Variants in ZDHHC8 observed in about 807,000 individuals in gnomAD.
ZDHHC8 encodes the protein palmitoyltransferase ZDHHC8.
In ZDHHC8, 24 loss-of-function variants were observed where a neutral mutation model predicts 61.2. That is an observed-to-expected ratio of 0.39 (90% CI 0.28 to 0.55). The LOEUF (loss-of-function observed/expected upper bound fraction) is 0.55, where lower values mean the gene tolerates loss of function less well. ZDHHC8 is among the 20% of genes least tolerant of loss of function. The probability of loss-of-function intolerance (pLI) is 0.60; values close to 1 mark genes in which losing one functional copy is unlikely to be tolerated. For synonymous variants in ZDHHC8, 523 were observed against 492.5 expected (o/e 1.06, Z -0.82); for missense variants, 935 against 1,102.1 (o/e 0.85, Z 2.15).
intron 1 of ZDHHC8, among the ~76,000 whole-genome samples, chr22:20,134,574 G>A (rs903261457): frequency 6.6e-6 from 1 of 152,234 alleles, no homozygotes; most frequent in Non-Finnish European, 1.5e-5. Context: ...GCCTATACAG[G>A]GTTCCCGACT....
intron 1 of ZDHHC8, among the ~76,000 whole-genome samples, chr22:20,137,218 G>T (rs989165582): frequency 6.6e-6 from 1 of 152,226 alleles, no homozygotes; most frequent in Non-Finnish European, 1.5e-5. Context: ...CGGCTGCAAG[G>T]CTGCTGTCCA....
chr22:20,132,008 G>A lies in ZDHHC8; in HGVS notation c.61G>A (p.Ala21Thr). 1 of 1,388,528 alleles carries A rather than the reference G, an allele frequency of 7.2e-7. No homozygotes were observed. The allele number at this position is 1,388,528 out of a possible 1,614,324, so 86.0% of individuals were successfully genotyped here. A position where few individuals can be genotyped will look rare whatever the true frequency, so the allele number is the denominator to read the frequency against. ...PAKYIPVATA[A>T]ALLVGSSTLF... ...CAAGTACATCCCGGTGGCCACGGCCGCCGCGCTGCTGGTCGGCTCCAGCAC... is the reference window on the plus strand; with the variant it reads ...CAAGTACATCCCGGTGGCCACGGCCACCGCGCTGCTGGTCGGCTCCAGCAC... The change falls in exon 1 of 11, where the codon GCC (alanine) becomes ACC (threonine). Residue 21 changes from alanine (A) to threonine (T), a missense_variant. Physicochemically the swap from Ala to Thr is moderately conservative, Grantham distance 58. This residue lies in a region of ZDHHC8 where 44 missense variants were observed against 36.6 expected (regional missense o/e 1.20). Transcript: ENST00000334554.
chr22:20,146,769 G>C lies in ZDHHC8; in HGVS notation c.*1369G>C, dbSNP rs548347419. ...GGGACTCTCAGGAACCCGAGAGCTT[G>C]GGGAGATGAAATGGGGGTGCATAGG... is the stretch of plus-strand genomic sequence containing the variant. On this transcript the variant is annotated 3_prime_UTR_variant, in exon 11 of 11. Transcript: ENST00000334554. 3.1e-5 allele frequency: 38 copies of C among 1,223,096 alleles called. No individual in the cohort carries two copies. The African/African-American group carries it at 5.6e-4, about 18-fold the overall frequency. The allele number at this position is 1,223,096 out of a possible 1,614,324, so 75.8% of individuals were successfully genotyped here.
intron 1 of ZDHHC8, among the ~76,000 whole-genome samples, chr22:20,132,659 CAT>C (rs2050387292): frequency 6.6e-6 from 1 of 152,230 alleles, no homozygotes; most frequent in African/African-American, 2.4e-5. Flanking sequence ...GATGTTAGCA[CAT>C]CACCTCCGTG....
In ZDHHC8 at chr22:20,143,667, T is replaced by G. The variant is rs1568995990; in HGVS notation, c.2037T>G (p.Thr679=). 1 of 1,609,320 alleles carries G rather than the reference T, an allele frequency of 6.2e-7. No homozygotes were observed. The highest frequency in any genetic ancestry group is 8.5e-7 in the Non-Finnish European group (1 of 1,179,342). Residue 679 remains threonine (T), a synonymous_variant, in exon 10 of 11, where the codon ACT becomes ACG. Transcript: ENST00000334554. ...ARQGLPSPPG[T]PHSPSYAGPK... ...AGGGCCTGCCCTCCCCGCCCGGCACTCCCCACTCACCATCCTACGCGGGCC... is the reference window on the plus strand; with the variant it reads ...AGGGCCTGCCCTCCCCGCCCGGCACGCCCCACTCACCATCCTACGCGGGCC...
intron 1 of ZDHHC8, among the ~76,000 whole-genome samples, chr22:20,137,381 G>A (rs1474108152): frequency 6.6e-6 from 1 of 152,242 alleles, no homozygotes; most frequent in Non-Finnish European, 1.5e-5. Flanking sequence ...CAGGAGGCAG[G>A]CTGGCAGCCA....
At position 20,132,001 on chromosome 22, in the gene ZDHHC8, C is replaced by A; in HGVS notation, c.54C>A (p.Ala18=). Residue 18 remains alanine, a synonymous_variant, in exon 1 of 11, where the codon GCC becomes GCA. Coordinates refer to ENST00000334554, the MANE Select transcript of ZDHHC8 (RefSeq NM_013373.4). ...AACCCGCCAAGTACATCCCGGTGGC[C>A]ACGGCCGCCGCGCTGCTGGTCGGCT... is the stretch of plus-strand genomic sequence containing the variant. The part of the protein sequence containing the change: ...RLKPAKYIPV[A]TAAALLVGSS... 7.2e-7 allele frequency: 1 copy of A among 1,386,708 alleles called. No individual in the cohort carries two copies. Among genetic ancestry groups the A allele is most frequent in the Admixed American group, 2.1e-5 (1 of 46,596 alleles). 85.9% of individuals were successfully genotyped at this position (1,386,708 alleles called of 1,614,324 possible).
intron 1 of ZDHHC8, among the ~76,000 whole-genome samples, chr22:20,134,826 C>T (rs2050406755): frequency 6.6e-6 from 1 of 152,170 alleles, no homozygotes; most frequent in Admixed American, 6.5e-5. Context: ...AGGGTCTGGG[C>T]ATGGAAGGAT....
Position 20,140,688 on chromosome 22 carries a change from G to C in ZDHHC8, c.732G>C (p.Leu244=). The change falls in exon 6 of 11, where the codon CTG becomes CTC. Residue 244 remains leucine (L), a synonymous_variant. Transcript: ENST00000334554. ...RGCCGNVEHV[L]CSPLAPRYVV... is the part of the protein sequence containing the mutation. ...GCTGTGGGAATGTGGAGCACGTGCT[G>C]TGTAGCCCCCTGGCGCCCCGGTGAG... is the stretch of plus-strand genomic sequence containing the variant. 3 of 1,611,764 alleles carry C rather than the reference G, an allele frequency of 1.9e-6. No homozygotes were observed. The highest frequency in any genetic ancestry group is 2.5e-6 in the Non-Finnish European group (3 of 1,179,584).
chr22:20,132,161 G>A, intron 1 of ZDHHC8, 110 bp downstream of exon 1: 2 of 585,532 alleles, frequency 3.4e-6, no homozygotes, highest in African/African-American at 2.0e-5. Flanking sequence ...GGCAGTGGGC[G>A]GGCGGGGCGC....
chr22:20,135,706 T>C (rs1004504624), intron 1 of ZDHHC8, among the ~76,000 whole-genome samples: 2 of 152,214 alleles, frequency 1.3e-5, no homozygotes, highest in African/African-American at 4.8e-5. Flanking sequence ...CCACCGCATG[T>C]GGCCTGGGGT....
chr22:20,143,067 T>G lies in ZDHHC8; in HGVS notation c.1437T>G (p.Tyr479Ter). The part of the protein sequence containing the change: ...ALPNRNGSLS[Y>*]DSLLNPGSPG... ...CCAACCGCAACGGCAGCCTGTCCTA[T>G]GACAGCCTGCTCAATCCTGGCTCGC... Residue 479 changes from tyrosine (Y) to a stop codon, truncating the protein, a stop_gained, in exon 10 of 11, where the codon TAT (tyrosine) becomes TAG (stop). Transcript: ENST00000334554. LOFTEE classifies it high-confidence loss of function. The G allele has an allele frequency of 6.2e-7, 1 of 1,612,476 alleles. No homozygotes were observed. Among genetic ancestry groups the G allele is most frequent in the Non-Finnish European group, 8.5e-7 (1 of 1,179,844 alleles).
chr22:20,141,466 T>C lies in ZDHHC8; in HGVS notation c.1061T>C (p.Met354Thr). ...AGGACCAGCCCCCCGACACCTGCCA[T>C]GTACAAGTTTAGGCCGGCTTTCCCC... ...VQRTSPPTPA[M>T]YKFRPAFPTG... Residue 354 changes from methionine to threonine, a missense_variant, in exon 9 of 11, where the codon ATG (methionine) becomes ACG (threonine). Physicochemically the swap from Met to Thr is moderately conservative, Grantham distance 81 (BLOSUM62 -1). Transcript: ENST00000334554. 1 of 1,613,328 alleles carries C rather than the reference T, an allele frequency of 6.2e-7. No individual in the cohort carries two copies.
chr22:20,143,327 G>T lies in ZDHHC8; in HGVS notation c.1697G>T (p.Arg566Leu). 1 of 1,591,352 alleles carries T rather than the reference G, an allele frequency of 6.3e-7. No individual in the cohort carries two copies. The change falls in exon 10 of 11, where the codon CGC (arginine) becomes CTC (leucine). Residue 566 changes from arginine to leucine, a missense_variant. Arg to Leu is a moderately radical substitution (Grantham distance 102). This residue lies in a region of ZDHHC8 where 692 missense variants were observed against 731.4 expected (regional missense o/e 0.95). Transcript: ENST00000334554. ...KDREERERLL[R>L]SQADSLFGDS... ...AGGGAGGAGCGTGAGCGCCTGCTGC[G>T]CTCCCAGGCCGACTCACTCTTCGGC...
chr22:20,138,011 TTAAA>T (rs1168588344), intron 1 of ZDHHC8, among the ~76,000 whole-genome samples: 1 of 152,218 alleles, frequency 6.6e-6, no homozygotes, highest in Non-Finnish European at 1.5e-5. Flanking sequence ...AGCGGAGTCT[TTAAA>T]TAGCCTCTTG....
rs1482101753 is a variant in ZDHHC8 at position 20,143,595 on chromosome 22, C to T, written c.1965C>T (p.Ala655=). The T allele has an allele frequency of 6.2e-7, 1 of 1,601,128 alleles. No homozygotes were observed. The highest frequency in any genetic ancestry group is 2.2e-5 in the East Asian group (1 of 44,780). The part of the protein sequence containing the change: ...SLQADQASSN[A]PGPRPSSGSH... ...AGGCTGATCAGGCCAGCAGCAACGCCCCGGGGCCCCGGCCCAGCAGTGGCT... is the reference window on the plus strand; with the variant it reads ...AGGCTGATCAGGCCAGCAGCAACGCTCCGGGGCCCCGGCCCAGCAGTGGCT... The change falls in exon 10 of 11, where the codon GCC becomes GCT. Residue 655 remains alanine (A), a synonymous_variant. Transcript: ENST00000334554.
At chr22:20,137,149 G>C (rs551585554) in intron 1 of ZDHHC8, among the ~76,000 whole-genome samples, 119 of 152,358 alleles carry the variant, frequency 7.8e-4, no homozygotes, top group African/African-American at 2.6e-3. Flanking sequence ...GCATGTGGCA[G>C]GTACCCGCAC....
intron 1 of ZDHHC8, among the ~76,000 whole-genome samples, chr22:20,133,760 C>T (rs933553041): frequency 6.7e-6 from 1 of 149,764 alleles, no homozygotes; most frequent in Admixed American, 6.7e-5. Context: ...TTATGGGGAA[C>T]TTGTGAAATA....
intron 1 of ZDHHC8, among the ~76,000 whole-genome samples, chr22:20,136,487 A>G (rs1180400712): frequency 6.6e-6 from 1 of 152,308 alleles, no homozygotes; most frequent in East Asian, 1.9e-4. Context: ...CAGAGGGGCA[A>G]AGGGAAGCCC....
Sources: gnomAD v4.1 joint callset for allele counts (sites outside exome capture counted in the v4.1 genomes callset) on GRCh38, gnomAD v4.1.1 for gene constraint, gnomAD v4.1.1 regional missense constraint, MANE v1.5 for transcripts, NCBI Gene and HGNC (gene_info 2026-07-23, HGNC 2026-07-21) for gene names.